Variants in OR5H14 observed in about 807,000 individuals in gnomAD.
OR5H14 encodes olfactory receptor family 5 subfamily H member 14.
For synonymous variants in OR5H14, 155 were observed against 130.6 expected, an observed-to-expected ratio of 1.19 and a Z score of -1.28; for missense variants, 392 against 363.9, an observed-to-expected ratio of 1.08 and a Z score of -0.63.
chr3:98,149,675 G>A lies in OR5H14; in HGVS notation c.290G>A (p.Cys97Tyr), dbSNP rs1708471996. The A allele has an allele frequency of 6.2e-6, 10 of 1,613,360 alleles. No homozygotes were observed. The highest frequency in any genetic ancestry group is 8.5e-6 in the Non-Finnish European group (10 of 1,179,610). Residue 97 changes from cysteine to tyrosine, a missense_variant, in exon 2 of 2, where the codon TGC becomes TAC. Transcript: ENST00000641380. ...AGTAAGATGATATCTCTCTCTGAATGCAAGATACAGTTGTTTTCGTTTGCA... is the reference window on the plus strand; with the variant it reads ...AGTAAGATGATATCTCTCTCTGAATACAAGATACAGTTGTTTTCGTTTGCA... ...AKSKMISLSECKIQLFSFAIS... is the reference protein window; with the variant it reads ...AKSKMISLSEYKIQLFSFAIS...
chr3:98,152,842 A>G lies in OR5H14; in HGVS notation c.*2524A>G, dbSNP rs1708526307. On this transcript the variant is annotated 3_prime_UTR_variant, in exon 2 of 2. Transcript: ENST00000641380. ...GTTAACATTTTCTTTACCATTTACT[A>G]TGAGTTGGGGTTTCTGTGTGCTTAG... 2 of 151,214 alleles carry G rather than the reference A, an allele frequency of 1.3e-5. No individual in the cohort carries two copies. The highest frequency in any genetic ancestry group is 2.4e-5 in the African/African-American group (1 of 40,954). 9.4% of individuals were successfully genotyped at this position (151,214 alleles called of 1,614,324 possible).
rs1408351811 is a variant in OR5H14, at chr3:98,150,385, T to C, written c.*67T>C. On this transcript the variant is annotated 3_prime_UTR_variant, in exon 2 of 2. Transcript: ENST00000641380. Reference sequence around the variant, plus strand: ...AAATTGTGCAAATTAGAGGTACCTATGTTTTTGCCAGCATTAAAAGATTTT... The same window carrying C: ...AAATTGTGCAAATTAGAGGTACCTACGTTTTTGCCAGCATTAAAAGATTTT... The C allele has an allele frequency of 1.8e-6, 2 of 1,104,716 alleles. No homozygotes were observed. The highest frequency in any genetic ancestry group is 3.1e-5 in the Admixed American group (1 of 32,648). 68.4% of individuals were successfully genotyped at this position (1,104,716 alleles called of 1,614,324 possible).
rs1431876612 is a variant in OR5H14, at chr3:98,151,843, C to T, written c.*1525C>T. Reference sequence around the variant, plus strand: ...GGTTAAAGTAAACTTTTGTTAAGAACCTATCATCAGAGTGAACAGGCAAAC... The same window carrying T: ...GGTTAAAGTAAACTTTTGTTAAGAATCTATCATCAGAGTGAACAGGCAAAC... On this transcript the variant is annotated 3_prime_UTR_variant, in exon 2 of 2. Coordinates refer to ENST00000641380, the MANE Select transcript of OR5H14 (RefSeq NM_001005514.2). 3 of 152,010 alleles carry T rather than the reference C, an allele frequency of 2.0e-5. No homozygotes were observed. The highest frequency in any genetic ancestry group is 4.4e-5 in the Non-Finnish European group (3 of 67,978). The allele number at this position is 152,010 out of a possible 1,614,324, so 9.4% of individuals were successfully genotyped here.
chr3:98,148,105 C>G (rs1708446311), intron 1 of OR5H14: 1 of 151,742 alleles, frequency 6.6e-6, no homozygotes, highest in African/African-American at 2.4e-5. Flanking sequence ...TCTGTGTCTC[C>G]ATATTCCAAA....
chr3:98,147,510 T>G lies in OR5H14; in HGVS notation c.-63T>G, dbSNP rs2107315753. The stretch of plus-strand genomic sequence containing the variant: ...TGTGTTTTTTTTCTGTTTTAGAAAG[T>G]GTAACACGTTTAAAGGATATCCACA... On this transcript the variant is annotated 5_prime_UTR_variant, in exon 1 of 2. Coordinates refer to ENST00000641380, the MANE Select transcript of OR5H14 (RefSeq NM_001005514.2). 1 of 152,244 alleles carries G rather than the reference T, an allele frequency of 6.6e-6. No individual in the cohort carries two copies. Among genetic ancestry groups the G allele is most frequent in the East Asian group, 1.9e-4 (1 of 5,180 alleles). The allele number at this position is 152,244 out of a possible 1,614,324, so 9.4% of individuals were successfully genotyped here.
At position 98,155,438 on chromosome 3, in the gene OR5H14, C is replaced by T. The variant is rs73852822; in HGVS notation, c.*5120C>T. 24,637 of 147,148 alleles carry T rather than the reference C, an allele frequency of 0.17. No individual in the cohort carries two copies. The highest frequency in any genetic ancestry group is 0.35 in the East Asian group (1,741 of 4,910). 9.1% of individuals were successfully genotyped at this position (147,148 alleles called of 1,614,324 possible). A position where few individuals can be genotyped will look rare whatever the true frequency, so the allele number is the denominator to read the frequency against. On this transcript the variant is annotated 3_prime_UTR_variant, in exon 2 of 2. Coordinates refer to ENST00000641380, the MANE Select transcript of OR5H14 (RefSeq NM_001005514.2). ...TGGAGTTAAGTCAGTCAATGATCTA[C>T]ACCTAGACTTTCTGGAAATTATATA...
In OR5H14 at chr3:98,153,330, C is replaced by T. The variant is rs1286639726; in HGVS notation, c.*3012C>T. ...GGCACAGTGGCTCACGCCTCTAATC[C>T]CAGCACTTTGGGAGGCCGAGGATGG... On this transcript the variant is annotated 3_prime_UTR_variant, in exon 2 of 2. Transcript: ENST00000641380. The T allele has an allele frequency of 6.6e-6, 1 of 152,196 alleles. No individual in the cohort carries two copies. Among genetic ancestry groups the T allele is most frequent in the African/African-American group, 2.4e-5 (1 of 41,444 alleles). 9.4% of individuals were successfully genotyped at this position (152,196 alleles called of 1,614,324 possible).
Position 98,154,796 on chromosome 3 carries a change from A to C in OR5H14, c.*4478A>C, listed in dbSNP as rs1390203846. 2.0e-5 allele frequency: 3 copies of C among 151,978 alleles called. No individual in the cohort carries two copies. Among genetic ancestry groups the C allele is most frequent in the African/African-American group, 7.2e-5 (3 of 41,408 alleles). The allele number at this position is 151,978 out of a possible 1,614,324, so 9.4% of individuals were successfully genotyped here. A position where few individuals can be genotyped will look rare whatever the true frequency, so the allele number is the denominator to read the frequency against. Reference sequence around the variant, plus strand: ...CTTCTTCATTCCTGAGTGTAGGTCCAACTACCTCTGGGAGGAATTTATAGT... The same window carrying C: ...CTTCTTCATTCCTGAGTGTAGGTCCCACTACCTCTGGGAGGAATTTATAGT... On this transcript the variant is annotated 3_prime_UTR_variant, in exon 2 of 2. Coordinates refer to ENST00000641380, the MANE Select transcript of OR5H14 (RefSeq NM_001005514.2).
Position 98,150,344 on chromosome 3 carries a change from T to G in OR5H14, c.*26T>G, listed in dbSNP as rs755898786. ...ATCATTACTAATATCTCTTTTCTAT[T>G]TACTAAAATGTCACAAAATTGTGCA... On this transcript the variant is annotated 3_prime_UTR_variant, in exon 2 of 2. Transcript: ENST00000641380. 2 of 1,436,716 alleles carry G rather than the reference T, an allele frequency of 1.4e-6. No individual in the cohort carries two copies. The highest frequency in any genetic ancestry group is 1.9e-6 in the Non-Finnish European group (2 of 1,077,582). The allele number at this position is 1,436,716 out of a possible 1,614,324, so 89.0% of individuals were successfully genotyped here.
rs1474067884 is a variant in OR5H14 at position 98,150,042 on chromosome 3, A to G, written c.657A>G (p.Ile219Met). 6.2e-7 allele frequency: 1 copy of G among 1,612,592 alleles called. No homozygotes were observed. The highest frequency in any genetic ancestry group is 8.5e-7 in the Non-Finnish European group (1 of 1,179,434). The change falls in exon 2 of 2, where the codon ATA (isoleucine) becomes ATG (methionine). Residue 219 changes from isoleucine (I) to methionine (M), a missense_variant. Transcript: ENST00000641380. ...FTIGTVLISY[I>M]FVLYTILKKK... ...TAGGGACTGTTCTTATATCTTACAT[A>G]TTTGTCCTCTATACAATCTTGAAAA... is the stretch of plus-strand genomic sequence containing the variant.
At chr3:98,148,408 T>C (rs988152014) in intron 1 of OR5H14, among the ~76,000 whole-genome samples, 1 of 152,036 alleles carries the variant, frequency 6.6e-6, no homozygotes, top group African/African-American at 2.4e-5. Context: ...ACTATCACAA[T>C]AATTCCAAGT....
Position 98,150,074 on chromosome 3 carries a change from CT to C in OR5H14, c.690del (p.Val231SerfsTer4). The C allele has an allele frequency of 6.2e-7, 1 of 1,611,012 alleles. No individual in the cohort carries two copies. ...CTCTATACAATCTTGAAAAAGAAGT[CT>C]GTCAAAGGTATGAGAAAAGCCTTCT... is the stretch of plus-strand genomic sequence containing the variant. ...FVLYTILKKK[S>X]VKGMRKAFST... On this transcript the variant is annotated frameshift_variant, in exon 2 of 2. Transcript: ENST00000641380. LOFTEE classifies it low-confidence loss of function (END_TRUNC).
Position 98,151,353 on chromosome 3 carries a change from A to G in OR5H14, c.*1035A>G, listed in dbSNP as rs1708505161. 6.6e-6 allele frequency: 1 copy of G among 152,178 alleles called. No individual in the cohort carries two copies. The allele number at this position is 152,178 out of a possible 1,614,324, so 9.4% of individuals were successfully genotyped here. A position where few individuals can be genotyped will look rare whatever the true frequency, so the allele number is the denominator to read the frequency against. On this transcript the variant is annotated 3_prime_UTR_variant, in exon 2 of 2. Transcript: ENST00000641380. ...ATATTTTCTACTTCAAAAAGTCCTTATTAGTCTTCTTCTCACTTCATATTC... is the reference window on the plus strand; with the variant it reads ...ATATTTTCTACTTCAAAAAGTCCTTGTTAGTCTTCTTCTCACTTCATATTC...
rs1204730610 is a variant in OR5H14, at chr3:98,153,106, A to G, written c.*2788A>G. On this transcript the variant is annotated 3_prime_UTR_variant, in exon 2 of 2. Transcript: ENST00000641380. The stretch of plus-strand genomic sequence containing the variant: ...TGGACACTTTGTTTTTGCCATGTTA[A>G]TCATATAGAGAAAATCTGGCAACCG... 1 of 152,084 alleles carries G rather than the reference A, an allele frequency of 6.6e-6. No individual in the cohort carries two copies. The highest frequency in any genetic ancestry group is 2.4e-5 in the African/African-American group (1 of 41,414). The allele number at this position is 152,084 out of a possible 1,614,324, so 9.4% of individuals were successfully genotyped here. A position where few individuals can be genotyped will look rare whatever the true frequency, so the allele number is the denominator to read the frequency against.
rs1483934846 is a variant in OR5H14 at position 98,154,821 on chromosome 3, T to C, written c.*4503T>C. On this transcript the variant is annotated 3_prime_UTR_variant, in exon 2 of 2. Transcript: ENST00000641380. ...AACTACCTCTGGGAGGAATTTATAG[T>C]TTGATTTTGAAACAAAGATGGTAAC... is the stretch of plus-strand genomic sequence containing the variant. 1.3e-5 allele frequency: 2 copies of C among 152,204 alleles called. No homozygotes were observed. Among genetic ancestry groups the C allele is most frequent in the African/African-American group, 4.8e-5 (2 of 41,470 alleles). The allele number at this position is 152,204 out of a possible 1,614,324, so 9.4% of individuals were successfully genotyped here. A position where few individuals can be genotyped will look rare whatever the true frequency, so the allele number is the denominator to read the frequency against.
chr3:98,154,337 A>G lies in OR5H14; in HGVS notation c.*4019A>G, dbSNP rs1001283593. The G allele has an allele frequency of 1.3e-5, 2 of 152,224 alleles. No individual in the cohort carries two copies. Among genetic ancestry groups the G allele is most frequent in the Non-Finnish European group, 2.9e-5 (2 of 68,036 alleles). The allele number at this position is 152,224 out of a possible 1,614,324, so 9.4% of individuals were successfully genotyped here. A position where few individuals can be genotyped will look rare whatever the true frequency, so the allele number is the denominator to read the frequency against. On this transcript the variant is annotated 3_prime_UTR_variant, in exon 2 of 2. Transcript: ENST00000641380. ...AGGTACCTCACGTTTGGCTTCAGCT[A>G]TAGGATTAACCAGGTTAAAGTATCA...
Position 98,150,405 on chromosome 3 carries a change from G to T in OR5H14, c.*87G>T, listed in dbSNP as rs528314762. The T allele has an allele frequency of 6.6e-6, 6 of 906,856 alleles. No individual in the cohort carries two copies. Among genetic ancestry groups the T allele is most frequent in the Non-Finnish European group, 8.0e-6 (5 of 623,778 alleles). 56.2% of individuals were successfully genotyped at this position (906,856 alleles called of 1,614,324 possible). A position where few individuals can be genotyped will look rare whatever the true frequency, so the allele number is the denominator to read the frequency against. On this transcript the variant is annotated 3_prime_UTR_variant, in exon 2 of 2. Coordinates refer to ENST00000641380, the MANE Select transcript of OR5H14 (RefSeq NM_001005514.2). ...ACCTATGTTTTTGCCAGCATTAAAA[G>T]ATTTTGCAATTATAACTGTCCTAGC...
In OR5H14 at chr3:98,149,023, C is replaced by T. The variant is rs540730505; in HGVS notation, c.-18-345C>T. Among the ~76,000 whole-genome samples the T allele has an allele frequency of 3.3e-5, 5 of 152,082 alleles. No homozygotes were observed. In the South Asian group the frequency reaches 8.3e-4, roughly 25 times the overall value. ...ATTACGAAATATAAAGTTTAAGATT[C>T]TTCACGTGGCATTTATTTCATCTGG... On this transcript the variant is annotated intron_variant, in intron 1 of 1. Coordinates refer to ENST00000641380, the MANE Select transcript of OR5H14 (RefSeq NM_001005514.2).
In OR5H14 at chr3:98,149,705, G is replaced by A. The variant is rs373748205; in HGVS notation, c.320G>A (p.Ser107Asn). Reference sequence around the variant, plus strand: ...ATACAGTTGTTTTCGTTTGCAATCAGTGTAACCACGGAATGTTTTCTCTTG... The same window carrying A: ...ATACAGTTGTTTTCGTTTGCAATCAATGTAACCACGGAATGTTTTCTCTTG... ...CKIQLFSFAI[S>N]VTTECFLLAT... The change falls in exon 2 of 2, where the codon AGT (serine) becomes AAT (asparagine). Residue 107 changes from serine (S) to asparagine (N), a missense_variant. Transcript: ENST00000641380. 1 of 1,613,090 alleles carries A rather than the reference G, an allele frequency of 6.2e-7. No homozygotes were observed. Among genetic ancestry groups the A allele is most frequent in the Non-Finnish European group, 8.5e-7 (1 of 1,179,646 alleles).
Sources: allele counts gnomAD v4.1 joint callset (sites outside exome capture counted in the v4.1 genomes callset), GRCh38; gene constraint gnomAD v4.1.1; transcripts MANE v1.5; gene names NCBI Gene and HGNC (gene_info 2026-07-23, HGNC 2026-07-21).